The following WNT3A variants were observed in gnomAD, a reference collection of about 807,000 sequenced individuals.
WNT3A encodes protein Wnt-3a.
A neutral mutation model predicts 37.0 loss-of-function variants in WNT3A; 17 were observed. The observed-to-expected ratio is 0.46, with a 90% CI of 0.31 to 0.69. WNT3A has a LOEUF of 0.69. Ranked by LOEUF, WNT3A falls within the 30% of genes least tolerant of loss-of-function variation. The pLI, the probability that WNT3A is intolerant of heterozygous loss-of-function variation, is 0.05. For synonymous variants in WNT3A, 187 were observed against 211.0 expected, an observed-to-expected ratio of 0.89 and a Z score of 0.99; for missense variants, 411 against 510.2, an observed-to-expected ratio of 0.81 and a Z score of 1.87.
At chr1:228,057,191 G>C (rs1205477301) in intron 3 of WNT3A, among the ~76,000 whole-genome samples, 1 of 152,212 alleles carries the variant, frequency 6.6e-6, no homozygotes, top group Non-Finnish European at 1.5e-5. Flanking sequence ...ACTTAAAGTA[G>C]TCCCAATACC....
intron 2 of WNT3A, among the ~76,000 whole-genome samples, chr1:228,029,660 T>C (rs6672422): frequency 0.17 from 25,685 of 151,978 alleles, 3,083 homozygotes; most frequent in African/African-American, 0.34. Flanking sequence ...CTCTGTTGCT[T>C]AGGTCAAAAA....
rs1490352339 is a variant in WNT3A, at chr1:228,008,851, C to G, written c.71+1652C>G. Among the ~76,000 whole-genome samples, 2 of 152,204 alleles carry G rather than the reference C, an allele frequency of 1.3e-5. No individual in the cohort carries two copies. The highest frequency in any genetic ancestry group is 3.9e-4 in the East Asian group (2 of 5,186). ...TCTTGTCGGCCCTGAGGGTTCCTAG[C>G]CTCGGTCCCCATCCACCTCATATGC... On this transcript the variant is annotated intron_variant, in intron 1 of 3. Coordinates refer to ENST00000284523, the MANE Select transcript of WNT3A (RefSeq NM_033131.4). The surrounding 1 kb of genome is among the most constrained non-coding windows in gnomAD (Gnocchi z 4.9).
At chr1:228,030,257 G>C (rs1049445688) in intron 2 of WNT3A, among the ~76,000 whole-genome samples, 1 of 151,712 alleles carries the variant, frequency 6.6e-6, no homozygotes, top group Non-Finnish European at 1.5e-5. Context: ...TTAGCCAAGG[G>C]GGGTGGTGGG....
chr1:228,027,480 A>C (rs909529949), intron 2 of WNT3A, among the ~76,000 whole-genome samples: 4 of 152,228 alleles, frequency 2.6e-5, no homozygotes, highest in African/African-American at 9.7e-5. Context: ...TGCAAGAGTA[A>C]GGTGGTATCT....
rs117851929 is a variant in WNT3A at position 228,051,389 on chromosome 1, G to A, written c.579+468G>A. Among the ~76,000 whole-genome samples the A allele has an allele frequency of 3.6e-3, 554 of 152,290 alleles. 11 individuals are homozygous for A. Among genetic ancestry groups the A allele is most frequent in the East Asian group, 0.03 (154 of 5,172 alleles). On this transcript the variant is annotated intron_variant, in intron 3 of 3. Transcript: ENST00000284523. ...GGTGGGCAGAGCACAGAGTGTAATG[G>A]AACAAAGAGCATCTTGATCTGCAGA...
At chr1:228,045,819 G>A (rs1272205648) in intron 2 of WNT3A, among the ~76,000 whole-genome samples, 3 of 152,218 alleles carry the variant, frequency 2.0e-5, no homozygotes, top group African/African-American at 7.2e-5. Flanking sequence ...TCTGCTCTGG[G>A]TAGGCTCAGA....
At chr1:228,051,245 A>G (rs751316407) in intron 3 of WNT3A, among the ~76,000 whole-genome samples, 1 of 152,000 alleles carries the variant, frequency 6.6e-6, no homozygotes, top group Non-Finnish European at 1.5e-5. Flanking sequence ...GAATTCTGCA[A>G]TGAGGAAATG....
Position 228,013,484 on chromosome 1 carries a change from G to A in WNT3A, c.71+6285G>A, listed in dbSNP as rs148640916. Among the ~76,000 whole-genome samples, 531 of 152,322 alleles carry A rather than the reference G, an allele frequency of 3.5e-3. 2 individuals are homozygous for A. The highest frequency in any genetic ancestry group is 0.012 in the African/African-American group (506 of 41,578). On this transcript the variant is annotated intron_variant, in intron 1 of 3. Transcript: ENST00000284523. ...GTGCGTGGCCGCGGGCACAGGAGCC[G>A]CTGTGCCTGCTGGGACTCGTTCAAA...
At chr1:228,028,320 G>A (rs2030906064) in intron 2 of WNT3A, among the ~76,000 whole-genome samples, 1 of 133,248 alleles carries the variant, frequency 7.5e-6, no homozygotes, top group South Asian at 2.3e-4. Context: ...TTTTGATGGA[G>A]TCTCACTCTG....
At chr1:228,043,281 A>G (rs1377995983) in intron 2 of WNT3A, among the ~76,000 whole-genome samples, 2 of 152,174 alleles carry the variant, frequency 1.3e-5, no homozygotes, top group Non-Finnish European at 2.9e-5. Flanking sequence ...TTGCTGTGTT[A>G]GAATAAAAGT....
In WNT3A at chr1:228,022,901, G is replaced by A; in HGVS notation, c.306G>A (p.Leu102=). 1 of 1,606,846 alleles carries A rather than the reference G, an allele frequency of 6.2e-7. No individual in the cohort carries two copies. Among genetic ancestry groups the A allele is most frequent in the Non-Finnish European group, 8.5e-7 (1 of 1,174,824 alleles). Residue 102 remains leucine, a synonymous_variant, in exon 2 of 4, where the codon CTG becomes CTA. Transcript: ENST00000284523. ...HDSLAIFGPV[L]DKATRESAFV... is the part of the protein sequence containing the mutation. ...GCCTGGCCATCTTCGGGCCCGTGCT[G>A]GACAAAGGTATGGGGGTGGTCTGGG...
At chr1:228,022,182 G>A (rs116833403) in intron 1 of WNT3A, among the ~76,000 whole-genome samples, 2,457 of 152,286 alleles carry the variant, frequency 0.016, 83 homozygotes, top group African/African-American at 0.056. Context: ...TTAAGAGCTG[G>A]GCAAGGTGGT....
intron 3 of WNT3A, among the ~76,000 whole-genome samples, chr1:228,055,180 ATATAT>A (rs1420909873): frequency 1.4e-3 from 21 of 14,790 alleles, no homozygotes; most frequent in African/African-American, 4.3e-3. Context: ...AAAAAAAAAA[ATATAT>A]ATATATATAT....
intron 2 of WNT3A, among the ~76,000 whole-genome samples, chr1:228,036,725 C>A (rs1357550733): frequency 6.6e-6 from 1 of 152,190 alleles, no homozygotes; most frequent in Non-Finnish European, 1.5e-5. Context: ...GGCTCACTTC[C>A]CTGCAGAGCT....
At chr1:228,015,809 C>G (rs1237220491) in intron 1 of WNT3A, among the ~76,000 whole-genome samples, 1 of 150,358 alleles carries the variant, frequency 6.7e-6, no homozygotes, top group Non-Finnish European at 1.5e-5. Context: ...TGCATGCCTA[C>G]AAAGCGTGGG....
At chr1:228,015,264 A>G (rs566023668) in intron 1 of WNT3A, among the ~76,000 whole-genome samples, 20 of 152,250 alleles carry the variant, frequency 1.3e-4, no homozygotes, top group African/African-American at 4.8e-4. Flanking sequence ...TTCCCTCCAG[A>G]GCTGGGATTC....
chr1:228,016,704 C>A (rs1169654771), intron 1 of WNT3A, among the ~76,000 whole-genome samples: 1 of 152,144 alleles, frequency 6.6e-6, no homozygotes, highest in Non-Finnish European at 1.5e-5. Context: ...GTTTAATTGG[C>A]TTAGGGTTCT....
At chr1:228,021,828 C>T (rs1205752996) in intron 1 of WNT3A, among the ~76,000 whole-genome samples, 1 of 152,224 alleles carries the variant, frequency 6.6e-6, no homozygotes, top group Non-Finnish European at 1.5e-5. Flanking sequence ...TCTGGGCAGC[C>T]CCCACCTGAC....
rs140455658 is a variant in WNT3A, at chr1:228,057,720, C to T, written c.580-1266C>T. On this transcript the variant is annotated intron_variant, in intron 3 of 3. Transcript: ENST00000284523. ...TGTCCAATAGAAATAGAATGGGAGCCACAAATGGCTCATAGATTATTATAA... is the reference window on the plus strand; with the variant it reads ...TGTCCAATAGAAATAGAATGGGAGCTACAAATGGCTCATAGATTATTATAA... 2.3e-3 allele frequency among the ~76,000 whole-genome samples: 350 copies of T among 152,236 alleles called. 2 individuals carry two copies. Among genetic ancestry groups the T allele is most frequent in the African/African-American group, 7.8e-3 (326 of 41,532 alleles).
Sources: allele counts gnomAD v4.1 joint callset (sites outside exome capture counted in the v4.1 genomes callset), GRCh38; gene constraint gnomAD v4.1.1; non-coding constraint Gnocchi (gnomAD v3.1); transcripts MANE v1.5; gene names NCBI Gene and HGNC (gene_info 2026-07-23, HGNC 2026-07-21).